SLC6A2: variants seen among roughly 807,000 people sequenced by gnomAD.
SLC6A2 encodes the protein solute carrier family 6 member 2.
In SLC6A2, 26 loss-of-function variants were observed where a neutral mutation model predicts 71.7. The ratio of observed to expected loss-of-function variants is 0.36; its 90% confidence interval spans 0.27 to 0.50. The LOEUF is 0.50. Ranked by LOEUF, SLC6A2 falls within the 20% of genes least tolerant of loss-of-function variation. The pLI, the probability that SLC6A2 is intolerant of heterozygous loss-of-function variation, is 0.96. For missense variants in SLC6A2, 581 were observed against 803.9 expected (o/e 0.72, Z 3.35); for synonymous variants, 363 against 337.9 (o/e 1.07, Z -0.82).
At chr16:55,676,812 G>T (rs1388757228) in intron 4 of SLC6A2, among the ~76,000 whole-genome samples, 1 of 152,170 alleles carries the variant, frequency 6.6e-6, no homozygotes, top group African/African-American at 2.4e-5. Flanking sequence ...TAAGTGACTT[G>T]TCTGAGGTCA....
intron 4 of SLC6A2, among the ~76,000 whole-genome samples, chr16:55,679,936 A>G (rs928511246): frequency 1.3e-5 from 2 of 152,292 alleles, no homozygotes; most frequent in Admixed American, 1.3e-4. Flanking sequence ...AGGGGTGCAC[A>G]CTGTCTTGTG....
At chr16:55,674,863 T>C (rs1463123678) in intron 4 of SLC6A2, among the ~76,000 whole-genome samples, 1 of 152,222 alleles carries the variant, frequency 6.6e-6, no homozygotes, top group Non-Finnish European at 1.5e-5. Flanking sequence ...TTTGGGTAGA[T>C]GCCCAGTAGT....
chr16:55,676,539 G>A (rs1000528549), intron 4 of SLC6A2, among the ~76,000 whole-genome samples: 3 of 152,182 alleles, frequency 2.0e-5, no homozygotes. Context: ...CACCGTAGGA[G>A]CTTACTTCTC....
chr16:55,688,634 G>T (rs1567449189), intron 5 of SLC6A2, among the ~76,000 whole-genome samples: 1 of 152,170 alleles, frequency 6.6e-6, no homozygotes, highest in Non-Finnish European at 1.5e-5. Context: ...AGATTGCTGG[G>T]TCCCTCTTTG....
chr16:55,689,668 A>G (rs1965554171), intron 5 of SLC6A2, among the ~76,000 whole-genome samples: 1 of 152,176 alleles, frequency 6.6e-6, no homozygotes, highest in Non-Finnish European at 1.5e-5. Flanking sequence ...AAGGGCTTAC[A>G]CCTATTTGTC....
intron 4 of SLC6A2, among the ~76,000 whole-genome samples, chr16:55,680,198 G>A (rs1268054910): frequency 6.6e-6 from 1 of 152,198 alleles, no homozygotes. Context: ...CAGTGGCACA[G>A]ACAGTGGATT....
intron 4 of SLC6A2, among the ~76,000 whole-genome samples, chr16:55,678,434 T>C (rs1965163927): frequency 6.6e-6 from 1 of 151,930 alleles, no homozygotes; most frequent in Non-Finnish European, 1.5e-5. Context: ...AAATAGAAAA[T>C]TTTTTCTCTT....
chr16:55,698,002 C>T lies in SLC6A2; in HGVS notation c.1366C>T (p.Leu456Phe), dbSNP rs758641192. ...TGGCGTCACCTTCAGCACTTTCCTT[C>T]TCGCCCTGTTCTGCATAACCAAGGT... ...TFGVTFSTFL[L>F]ALFCITKGGI... The change falls in exon 10 of 15, where the codon CTC becomes TTC. Residue 456 changes from leucine (L) to phenylalanine (F), a missense_variant. Coordinates refer to ENST00000568943, the MANE Select transcript of SLC6A2 (RefSeq NM_001172501.3). 6.2e-7 allele frequency: 1 copy of T among 1,614,174 alleles called. No individual in the cohort carries two copies. The highest frequency in any genetic ancestry group is 8.5e-7 in the Non-Finnish European group (1 of 1,180,020).
chr16:55,704,695 G>A lies in SLC6A2; in HGVS notation c.*2349G>A, dbSNP rs545022431. 6.6e-6 allele frequency: 1 copy of A among 152,664 alleles called. No individual in the cohort carries two copies. Among genetic ancestry groups the A allele is most frequent in the Non-Finnish European group, 1.5e-5 (1 of 68,356 alleles). 9.5% of individuals were successfully genotyped at this position (152,664 alleles called of 1,614,324 possible). ...TTAGAGCAGGGTCGTGCTTCCGAGA[G>A]AGCCTGCCATTTCCTCTTTGCCATC... On this transcript the variant is annotated 3_prime_UTR_variant, in exon 15 of 15. Transcript: ENST00000568943.
Position 55,691,959 on chromosome 16 carries a change from C to T in SLC6A2, c.825C>T (p.Phe275=), listed in dbSNP as rs746699464. Reference sequence around the variant, plus strand: ...CCACGCTGCCTTACTTCGTGCTGTTCGTGCTCCTGGTCCATGGCGTCACGC... The same window carrying T: ...CCACGCTGCCTTACTTCGTGCTGTTTGTGCTCCTGGTCCATGGCGTCACGC... The part of the protein sequence containing the change: ...ITATLPYFVL[F]VLLVHGVTLP... Residue 275 remains phenylalanine, a synonymous_variant, in exon 6 of 15, where the codon TTC becomes TTT. Transcript: ENST00000568943. The T allele has an allele frequency of 4.3e-6, 7 of 1,614,018 alleles. No homozygotes were observed. Among genetic ancestry groups the T allele is most frequent in the East Asian group, 4.5e-5 (2 of 44,882 alleles).
chr16:55,690,194 C>A (rs937817614), intron 5 of SLC6A2, among the ~76,000 whole-genome samples: 42 of 152,342 alleles, frequency 2.8e-4, no homozygotes, highest in African/African-American at 7.9e-4. Context: ...TTCATCTACA[C>A]CACTGCCCAG....
intron 13 of SLC6A2, among the ~76,000 whole-genome samples, chr16:55,701,101 A>G (rs780051428): frequency 2.6e-5 from 4 of 152,216 alleles, no homozygotes; most frequent in Non-Finnish European, 4.4e-5. Context: ...TATTCGAGGC[A>G]CTAGACAAAA....
chr16:55,662,252 G>A (rs1409132749), intron 2 of SLC6A2, among the ~76,000 whole-genome samples: 1 of 152,206 alleles, frequency 6.6e-6, no homozygotes, highest in Non-Finnish European at 1.5e-5. Context: ...AAACCTAACT[G>A]CCTAAGTAAG....
chr16:55,662,746 A>G (rs1332981202), intron 2 of SLC6A2, among the ~76,000 whole-genome samples: 1 of 152,168 alleles, frequency 6.6e-6, no homozygotes, highest in Admixed American at 6.6e-5. Flanking sequence ...AGTTTCCCTG[A>G]ATTCCACCCC....
intron 6 of SLC6A2, 61 bp downstream of exon 6, chr16:55,692,113 G>A: frequency 4.4e-6 from 7 of 1,592,134 alleles, no homozygotes; most frequent in Middle Eastern, 1.7e-4. Flanking sequence ...TCAGGAGAAG[G>A]TGATGATGGA....
intron 11 of SLC6A2, 58 bp from the exon 12 acceptor site, chr16:55,699,496 G>A: frequency 7.3e-7 from 1 of 1,367,670 alleles, no homozygotes; most frequent in South Asian, 1.2e-5. Flanking sequence ...CTCATGGGAG[G>A]ACCTGGCCCT....
intron 4 of SLC6A2, 47 bp downstream of exon 4, chr16:55,672,222 G>T: frequency 6.2e-7 from 1 of 1,614,094 alleles, no homozygotes; most frequent in South Asian, 1.1e-5. Flanking sequence ...CCAGTGCTTG[G>T]TATGACCTGA....
intron 11 of SLC6A2, among the ~76,000 whole-genome samples, chr16:55,699,061 CTTAAATGTG>C (rs1965888697): frequency 6.6e-6 from 1 of 152,148 alleles, no homozygotes; most frequent in South Asian, 2.1e-4. Flanking sequence ...TTTACAAACC[CTTAAATGTG>C]TTAATTGTTT....
In SLC6A2 at chr16:55,703,641, T is replaced by G; in HGVS notation, c.*1295T>G. 1 of 985,462 alleles carries G rather than the reference T, an allele frequency of 1.0e-6. No homozygotes were observed. Among genetic ancestry groups the G allele is most frequent in the Non-Finnish European group, 1.2e-6 (1 of 829,942 alleles). The allele number at this position is 985,462 out of a possible 1,614,324, so 61.0% of individuals were successfully genotyped here. ...TCCGTAAGAGAAATGATTCCTAGTT[T>G]GCTAAATTGGTGGCATCTTTGGGAG... On this transcript the variant is annotated 3_prime_UTR_variant, in exon 15 of 15. Coordinates refer to ENST00000568943, the MANE Select transcript of SLC6A2 (RefSeq NM_001172501.3).
Sources: allele counts gnomAD v4.1 joint callset (sites outside exome capture counted in the v4.1 genomes callset), GRCh38; gene constraint gnomAD v4.1.1; transcripts MANE v1.5; gene names NCBI Gene and HGNC (gene_info 2026-07-23, HGNC 2026-07-21).